The following MGAT3 variants were observed in gnomAD, a reference collection of about 807,000 sequenced individuals.
MGAT3 encodes beta-1,4-mannosyl-glycoprotein 4-beta-N-acetylglucosaminyltransferase.
A neutral mutation model predicts 29.8 loss-of-function variants in MGAT3; 9 were observed. The observed-to-expected ratio is 0.30, with a 90% CI of 0.18 to 0.53. MGAT3 has a LOEUF of 0.53. Among genes scored for constraint, MGAT3 ranks in the 20% least tolerant of loss-of-function variants. The probability of loss-of-function intolerance (pLI) is 0.96; values close to 1 mark genes in which losing one functional copy is unlikely to be tolerated. For missense variants in MGAT3, 557 were observed against 769.5 expected (o/e 0.72, Z 3.27); for synonymous variants, 397 against 348.9 (o/e 1.14, Z -1.54).
intron 1 of MGAT3, among the ~76,000 whole-genome samples, chr22:39,471,095 C>T (rs2145715839): frequency 6.6e-6 from 1 of 152,312 alleles, no homozygotes; most frequent in South Asian, 2.1e-4. Context: ...CCACTCAGAC[C>T]AAAGGCTCTG....
Position 39,490,319 on chromosome 22 carries a change from G to T in MGAT3, c.*1370G>T, listed in dbSNP as rs1309282872. ...AGAATTGGCAGGCTCACCTCTGCTG[G>T]CCTCTCATTGGCTGGGACTCAGTCA... On this transcript the variant is annotated 3_prime_UTR_variant, in exon 2 of 2. Coordinates refer to ENST00000341184, the MANE Select transcript of MGAT3 (RefSeq NM_002409.5). 6.0e-6 allele frequency: 1 copy of T among 167,136 alleles called. No homozygotes were observed. The highest frequency in any genetic ancestry group is 1.5e-5 in the Non-Finnish European group (1 of 68,128). 10.4% of individuals were successfully genotyped at this position (167,136 alleles called of 1,614,324 possible).
rs182962443 is a variant in MGAT3, at chr22:39,459,190, C to T, written c.-2+1633C>T. On this transcript the variant is annotated intron_variant, in intron 1 of 1. Coordinates refer to ENST00000341184, the MANE Select transcript of MGAT3 (RefSeq NM_002409.5). ...CTGGGTTCAAGCAATTGTCCCACCTCGGCCTCCCGAGTAGCTGGGACCACA... is the reference window on the plus strand; with the variant it reads ...CTGGGTTCAAGCAATTGTCCCACCTTGGCCTCCCGAGTAGCTGGGACCACA... Among the ~76,000 whole-genome samples the T allele has an allele frequency of 2.6e-5, 4 of 152,100 alleles. No individual in the cohort carries two copies. The East Asian group carries it at 7.7e-4, about 29-fold the overall frequency.
At chr22:39,469,372 AC>A in intron 1 of MGAT3, among the ~76,000 whole-genome samples, 1 of 152,198 alleles carries the variant, frequency 6.6e-6, no homozygotes, top group South Asian at 2.1e-4. Flanking sequence ...GCCTGGTGTG[AC>A]CCAAAGCCCA....
intron 1 of MGAT3, among the ~76,000 whole-genome samples, chr22:39,475,417 C>T (rs888752114): frequency 2.6e-5 from 4 of 152,088 alleles, no homozygotes; most frequent in African/African-American, 9.7e-5. Flanking sequence ...CTGAGGCCCA[C>T]CTTTAGCCCA....
chr22:39,463,014 A>G (rs1268418444), intron 1 of MGAT3, among the ~76,000 whole-genome samples: 3 of 152,136 alleles, frequency 2.0e-5, no homozygotes, highest in Non-Finnish European at 2.9e-5. Flanking sequence ...CAGAAGGAAC[A>G]GCCCAGAGAC....
At chr22:39,477,310 G>A (rs559367422) in intron 1 of MGAT3, among the ~76,000 whole-genome samples, 12 of 152,354 alleles carry the variant, frequency 7.9e-5, no homozygotes, top group Admixed American at 2.0e-4. Flanking sequence ...CGGCTGGGCC[G>A]GATTCCGCAG....
chr22:39,474,116 C>T (rs908747066), intron 1 of MGAT3, among the ~76,000 whole-genome samples: 1 of 152,198 alleles, frequency 6.6e-6, no homozygotes, highest in Admixed American at 6.5e-5. Flanking sequence ...CCTGGGTACC[C>T]TTGGCCTTGC....
In MGAT3 at chr22:39,457,082, C is replaced by T. The variant is rs1482716295; in HGVS notation, c.-477C>T. Among the ~76,000 whole-genome samples, 1 of 148,264 alleles carries T rather than the reference C, an allele frequency of 6.7e-6. No individual in the cohort carries two copies. The highest frequency in any genetic ancestry group is 1.5e-5 in the Non-Finnish European group (1 of 66,656). The stretch of plus-strand genomic sequence containing the variant: ...CGCGGGCGGCGCGGGGCGGCGGCGG[C>T]CGGAGTCTGCGGTGCGAGGCGCCCC... On this transcript the variant is annotated 5_prime_UTR_variant, in exon 1 of 2. Coordinates refer to ENST00000341184, the MANE Select transcript of MGAT3 (RefSeq NM_002409.5). The surrounding 1 kb of genome is among the most constrained non-coding windows in gnomAD (Gnocchi z 6.8).
rs1258511174 is a variant in MGAT3, at chr22:39,457,986, C to T, written c.-2+429C>T. Among the ~76,000 whole-genome samples, 1 of 152,044 alleles carries T rather than the reference C, an allele frequency of 6.6e-6. No homozygotes were observed. The highest frequency in any genetic ancestry group is 2.4e-5 in the African/African-American group (1 of 41,420). On this transcript the variant is annotated intron_variant, in intron 1 of 1. Coordinates refer to ENST00000341184, the MANE Select transcript of MGAT3 (RefSeq NM_002409.5). The surrounding 1 kb of genome is among the most constrained non-coding windows in gnomAD (Gnocchi z 6.8). The stretch of plus-strand genomic sequence containing the variant: ...CCTCCGCGCCCGCCTTCCCCACCCC[C>T]GACCCCAGACTGCGGCGGCGGCAGC...
chr22:39,469,000 C>G (rs893949708), intron 1 of MGAT3, among the ~76,000 whole-genome samples: 7 of 151,932 alleles, frequency 4.6e-5, no homozygotes, highest in Non-Finnish European at 1.0e-4. Context: ...TTTCGCTTGG[C>G]TCATGGGGGC....
chr22:39,480,452 C>A (rs556442275), intron 1 of MGAT3, among the ~76,000 whole-genome samples: 9 of 152,296 alleles, frequency 5.9e-5, no homozygotes, highest in African/African-American at 2.2e-4. Flanking sequence ...AAGCCACGTA[C>A]ATCCAGGGAA....
intron 1 of MGAT3, chr22:39,486,161 T>C: frequency 2.3e-6 from 1 of 425,624 alleles, no homozygotes; most frequent in Non-Finnish European, 4.6e-6. Flanking sequence ...TTTTTTTTTT[T>C]TTAGATGGAG....
rs1175231260 is a variant in MGAT3, at chr22:39,490,741, A to C, written c.*1792A>C. 1 of 166,852 alleles carries C rather than the reference A, an allele frequency of 6.0e-6. No individual in the cohort carries two copies. Among genetic ancestry groups the C allele is most frequent in the Non-Finnish European group, 1.5e-5 (1 of 68,142 alleles). 10.3% of individuals were successfully genotyped at this position (166,852 alleles called of 1,614,324 possible). ...TGTGTATATTTATGGGCATGGGTGCATGCTTGGTGTGTATTTGTACATGTC... is the reference window on the plus strand; with the variant it reads ...TGTGTATATTTATGGGCATGGGTGCCTGCTTGGTGTGTATTTGTACATGTC... On this transcript the variant is annotated 3_prime_UTR_variant, in exon 2 of 2. Transcript: ENST00000341184.
rs192560139 is a variant in MGAT3, at chr22:39,458,109, G to A, written c.-2+552G>A. 6.0e-3 allele frequency among the ~76,000 whole-genome samples: 919 copies of A among 152,258 alleles called. 9 individuals are homozygous for A. The highest frequency in any genetic ancestry group is 6.0e-3 in the Non-Finnish European group (409 of 68,004). Reference sequence around the variant, plus strand: ...GAGGCAAATGTGGAGAGGGCCCCCGGCCATTTACCGGGGTGGGGGCCCCCG... The same window carrying A: ...GAGGCAAATGTGGAGAGGGCCCCCGACCATTTACCGGGGTGGGGGCCCCCG... On this transcript the variant is annotated intron_variant, in intron 1 of 1. Coordinates refer to ENST00000341184, the MANE Select transcript of MGAT3 (RefSeq NM_002409.5).
At chr22:39,463,419 G>A (rs1237130523) in intron 1 of MGAT3, among the ~76,000 whole-genome samples, 1 of 152,174 alleles carries the variant, frequency 6.6e-6, no homozygotes, top group Non-Finnish European at 1.5e-5. Context: ...TGTTCCCTGA[G>A]GCTTGGAGCC....
At position 39,488,880 on chromosome 22, in the gene MGAT3, CG is replaced by C; in HGVS notation, c.1536del (p.Trp513GlyfsTer25). ...YQEPRSTAAG[G>X]WRHRGPEGRP... ...AGGAGCCCAGGAGCACGGCGGCGGG[CG>C]GGTGGCGCCACAGGGGTCCCGAGGG... On this transcript the variant is annotated frameshift_variant, in exon 2 of 2. Transcript: ENST00000341184. 1 of 1,598,312 alleles carries C rather than the reference CG, an allele frequency of 6.3e-7. No individual in the cohort carries two copies.
At chr22:39,481,688 A>T (rs1395480132) in intron 1 of MGAT3, among the ~76,000 whole-genome samples, 1 of 152,190 alleles carries the variant, frequency 6.6e-6, no homozygotes, top group Non-Finnish European at 1.5e-5. Flanking sequence ...ACTTGGGTTG[A>T]ACTTGGCAGC....
chr22:39,486,565 A>G (rs1459762798), intron 1 of MGAT3, among the ~76,000 whole-genome samples: 1 of 152,152 alleles, frequency 6.6e-6, no homozygotes, highest in Non-Finnish European at 1.5e-5. Context: ...CAGTGGTGCA[A>G]TCATGGCTCA....
chr22:39,475,259 C>G (rs1928924682), intron 1 of MGAT3, among the ~76,000 whole-genome samples: 1 of 151,116 alleles, frequency 6.6e-6, no homozygotes, highest in Admixed American at 6.6e-5. Context: ...AGTCCCTGGG[C>G]TTTGTTTTCT....
Sources: gnomAD v4.1 joint callset for allele counts (sites outside exome capture counted in the v4.1 genomes callset) on GRCh38, gnomAD v4.1.1 for gene constraint, Gnocchi (gnomAD v3.1) non-coding constraint, MANE v1.5 for transcripts, NCBI Gene and HGNC (gene_info 2026-07-23, HGNC 2026-07-21) for gene names.